Variants in BAK1 observed in about 807,000 individuals in gnomAD.
BAK1 encodes the protein bcl-2 homologous antagonist/killer.
Under a neutral mutation model 24.7 loss-of-function variants are expected in BAK1, and 19 were observed. That is an observed-to-expected ratio of 0.77 (90% CI 0.54 to 1.13). The LOEUF is 1.13. Among genes scored for constraint, BAK1 ranks in the 50% most tolerant of loss-of-function variants. The pLI is 0.00. For missense variants in BAK1, 194 were observed against 279.4 expected (o/e 0.69, Z 2.18); for synonymous variants, 86 against 107.3 (o/e 0.80, Z 1.23).
chr6:33,575,934 G>A lies in BAK1; in HGVS notation c.71-6C>T. 6.2e-7 allele frequency: 1 copy of A among 1,614,086 alleles called. No homozygotes were observed. The highest frequency in any genetic ancestry group is 1.6e-4 in the Middle Eastern group (1 of 6,062). ...GTCCTGGGCTACCTGCTCCTCTGAG[G>A]ATCAAAGCTGGGAGTCAGGGAGAGA... On this transcript the variant is annotated splice_region_variant and splice_polypyrimidine_tract_variant and intron_variant, in intron 2 of 5. Coordinates refer to ENST00000374467, the MANE Select transcript of BAK1 (RefSeq NM_001188.4). This position sits in a 1 kb window ranked among gnomAD's most constrained non-coding sequence, Gnocchi z 6.3.
At position 33,577,261 on chromosome 6, in the gene BAK1, C is replaced by T. The variant is rs1262025835; in HGVS notation, c.70+274G>A. On this transcript the variant is annotated intron_variant, in intron 2 of 5. Transcript: ENST00000374467. This position sits in a 1 kb window ranked among gnomAD's most constrained non-coding sequence, Gnocchi z 4.6. Reference sequence around the variant, plus strand: ...CACTCTAATTCCTGCCTCCCTCGCCCGTGACCCAGCCCTCTGCCCCGGTGG... The same window carrying T: ...CACTCTAATTCCTGCCTCCCTCGCCTGTGACCCAGCCCTCTGCCCCGGTGG... Among the ~76,000 whole-genome samples, 1 of 152,180 alleles carries T rather than the reference C, an allele frequency of 6.6e-6. No homozygotes were observed. The highest frequency in any genetic ancestry group is 1.5e-5 in the Non-Finnish European group (1 of 68,026).
rs1238754248 is a variant in BAK1 at position 33,577,448 on chromosome 6, G to A, written c.70+87C>T. 32 of 1,291,508 alleles carry A rather than the reference G, an allele frequency of 2.5e-5. No individual in the cohort carries two copies. Among genetic ancestry groups the A allele is most frequent in the East Asian group, 1.1e-4 (4 of 35,320 alleles). The allele number at this position is 1,291,508 out of a possible 1,614,324, so 80.0% of individuals were successfully genotyped here. On this transcript the variant is annotated intron_variant, in intron 2 of 5. Transcript: ENST00000374467. The surrounding 1 kb of genome is among the most constrained non-coding windows in gnomAD (Gnocchi z 4.6). Reference sequence around the variant, plus strand: ...CCACCCACAGTGGGTGAACCGAGGCGAAGGAGCCTGCCTGAGTCCTGCTCC... The same window carrying A: ...CCACCCACAGTGGGTGAACCGAGGCAAAGGAGCCTGCCTGAGTCCTGCTCC...
chr6:33,574,038 C>T lies in BAK1; in HGVS notation c.527G>A (p.Gly176Asp). The T allele has an allele frequency of 6.2e-7, 1 of 1,613,748 alleles. No individual in the cohort carries two copies. The highest frequency in any genetic ancestry group is 8.5e-7 in the Non-Finnish European group (1 of 1,179,700). The change falls in exon 5 of 6, where the codon GGC (glycine) becomes GAC (aspartate). Residue 176 changes from glycine to aspartate, a missense_variant. Transcript: ENST00000374467. Reference sequence around the variant, plus strand: ...TTGCAGTCCTTGGATACTCACCCAGCCACCCCTCTGTGCAATCCACCGGGC... The same window carrying T: ...TTGCAGTCCTTGGATACTCACCCAGTCACCCCTCTGTGCAATCCACCGGGC... ...CIARWIAQRGGWVAALNLGNG... is the reference protein window; with the variant it reads ...CIARWIAQRGDWVAALNLGNG...
In BAK1 at chr6:33,575,165, G is replaced by C; in HGVS notation, c.350+133C>G. 1 of 1,375,518 alleles carries C rather than the reference G, an allele frequency of 7.3e-7. No homozygotes were observed. The highest frequency in any genetic ancestry group is 1.2e-5 in the South Asian group (1 of 83,902). The allele number at this position is 1,375,518 out of a possible 1,614,324, so 85.2% of individuals were successfully genotyped here. A position where few individuals can be genotyped will look rare whatever the true frequency, so the allele number is the denominator to read the frequency against. ...AAAATAGGGGGCCGAGACCACATGT[G>C]AGTTCACAGCAGACATTGGACACTG... On this transcript the variant is annotated intron_variant, in intron 4 of 5. Coordinates refer to ENST00000374467, the MANE Select transcript of BAK1 (RefSeq NM_001188.4). This position sits in a 1 kb window ranked among gnomAD's most constrained non-coding sequence, Gnocchi z 6.3.
intron 2 of BAK1, among the ~76,000 whole-genome samples, chr6:33,576,458 G>A (rs1164166455): frequency 1.1e-4 from 17 of 151,606 alleles, no homozygotes; most frequent in Non-Finnish European, 1.0e-4. Flanking sequence ...GTGAAACCCC[G>A]TCTCTACTAA....
intron 1 of BAK1, among the ~76,000 whole-genome samples, chr6:33,579,724 G>A (rs1762905515): frequency 6.6e-6 from 1 of 152,200 alleles, no homozygotes; most frequent in South Asian, 2.1e-4. Context: ...GCAGCAGCAA[G>A]CGCTGAGAAA....
In BAK1 at chr6:33,575,687, G is replaced by T; in HGVS notation, c.206+106C>A. The stretch of plus-strand genomic sequence containing the variant: ...TAAAAGAGGAGCAACCATGAGAGAA[G>T]GGCAAGACCCCCGAGGCCTCCCCAG... On this transcript the variant is annotated intron_variant, in intron 3 of 5. Coordinates refer to ENST00000374467, the MANE Select transcript of BAK1 (RefSeq NM_001188.4). This position sits in a 1 kb window ranked among gnomAD's most constrained non-coding sequence, Gnocchi z 6.3. 2 of 1,502,334 alleles carry T rather than the reference G, an allele frequency of 1.3e-6. No individual in the cohort carries two copies. The highest frequency in any genetic ancestry group is 1.3e-5 in the South Asian group (1 of 78,514). 93.1% of individuals were successfully genotyped at this position (1,502,334 alleles called of 1,614,324 possible).
chr6:33,576,672 CAA>C (rs370237502), intron 2 of BAK1, among the ~76,000 whole-genome samples: 146 of 128,854 alleles, frequency 1.1e-3, no homozygotes, highest in African/African-American at 3.6e-3. Context: ...ACAAAAAAAA[CAA>C]AAAAAAAAAA....
At chr6:33,574,525 C>T in intron 4 of BAK1, 1 of 1,420,566 alleles carries the variant, frequency 7.0e-7, no homozygotes, top group Non-Finnish European at 9.3e-7. Context: ...TTGCTGCTGG[C>T]CTGGCAGCCC....
At position 33,578,521 on chromosome 6, in the gene BAK1, C is replaced by T. The variant is rs1762883774; in HGVS notation, c.-31-886G>A. Among the ~76,000 whole-genome samples, 2 of 152,170 alleles carry T rather than the reference C, an allele frequency of 1.3e-5. No individual in the cohort carries two copies. On this transcript the variant is annotated intron_variant, in intron 1 of 5. Coordinates refer to ENST00000374467, the MANE Select transcript of BAK1 (RefSeq NM_001188.4). The surrounding 1 kb of genome is among the most constrained non-coding windows in gnomAD (Gnocchi z 4.8). ...GTGTGTTCTTTCTCAGGGCAACTTT[C>T]CCTATTTACCTCCTGTCTGTGCCTT...
Position 33,573,923 on chromosome 6 carries a change from AGGT to A in BAK1, c.532-19_532-17del, listed in dbSNP as rs778415235. The A allele has an allele frequency of 6.2e-7, 1 of 1,614,158 alleles. No individual in the cohort carries two copies. Among genetic ancestry groups the A allele is most frequent in the Non-Finnish European group, 8.5e-7 (1 of 1,179,990 alleles). On this transcript the variant is annotated splice_polypyrimidine_tract_variant and intron_variant, in intron 5 of 5. Coordinates refer to ENST00000374467, the MANE Select transcript of BAK1 (RefSeq NM_001188.4). Reference sequence around the variant, plus strand: ...GGGCTGCCACCTGCCGGGAGAAACAAGGTGGTCACAGAGAGGCTAGCAGAAGAT... The same window carrying A: ...GGGCTGCCACCTGCCGGGAGAAACAAGGTCACAGAGAGGCTAGCAGAAGAT...
chr6:33,579,333 G>C (rs1344703565), intron 1 of BAK1, among the ~76,000 whole-genome samples: 1 of 152,072 alleles, frequency 6.6e-6, no homozygotes, highest in East Asian at 1.9e-4. Flanking sequence ...GCAACAGAGC[G>C]AGACTCCATT....
rs1267983904 is a variant in BAK1, at chr6:33,577,851, C to T, written c.-31-216G>A. On this transcript the variant is annotated intron_variant, in intron 1 of 5. Coordinates refer to ENST00000374467, the MANE Select transcript of BAK1 (RefSeq NM_001188.4). The surrounding 1 kb of genome is among the most constrained non-coding windows in gnomAD (Gnocchi z 4.6). ...TGCTGGGATTACAGGTGTGAGCCAC[C>T]GTGCCTGGCCTCCTCTGGGACTTTT... 6.6e-6 allele frequency among the ~76,000 whole-genome samples: 1 copy of T among 152,182 alleles called. No individual in the cohort carries two copies. Among genetic ancestry groups the T allele is most frequent in the East Asian group, 1.9e-4 (1 of 5,196 alleles).
In BAK1 at chr6:33,575,766, C is replaced by T; in HGVS notation, c.206+27G>A. 4 of 1,609,748 alleles carry T rather than the reference C, an allele frequency of 2.5e-6. No individual in the cohort carries two copies. The highest frequency in any genetic ancestry group is 3.4e-6 in the Non-Finnish European group (4 of 1,178,292). ...GAGCTACTGCCTCCCTGAAGATGTC[C>T]TTGTGGGCCCAGCGGTTGTAGCTCA... On this transcript the variant is annotated intron_variant, in intron 3 of 5. Transcript: ENST00000374467. The surrounding 1 kb of genome is among the most constrained non-coding windows in gnomAD (Gnocchi z 6.3).
At chr6:33,576,719 C>T (rs955807708) in intron 2 of BAK1, among the ~76,000 whole-genome samples, 5 of 152,130 alleles carry the variant, frequency 3.3e-5, no homozygotes, top group East Asian at 1.9e-4. Flanking sequence ...GCACCTTAGC[C>T]GCCCCTAGAG....
intron 2 of BAK1, among the ~76,000 whole-genome samples, chr6:33,576,626 C>T (rs1485683115): frequency 6.6e-6 from 1 of 150,594 alleles, no homozygotes; most frequent in Non-Finnish European, 1.5e-5. Context: ...GAGCGAGACT[C>T]CATCTCAAAA....
rs1347149522 is a variant in BAK1 at position 33,572,712 on chromosome 6, C to G, written c.*1091G>C. ...CAATAGAGAAGGCACTGTCACCCCC[C>G]ACCCTGAGGAGACCTAGACAGGTGA... is the stretch of plus-strand genomic sequence containing the variant. On this transcript the variant is annotated 3_prime_UTR_variant, in exon 6 of 6. Coordinates refer to ENST00000374467, the MANE Select transcript of BAK1 (RefSeq NM_001188.4). The G allele has an allele frequency of 1.3e-5, 2 of 152,544 alleles. No homozygotes were observed. The highest frequency in any genetic ancestry group is 2.9e-5 in the Non-Finnish European group (2 of 68,008). 9.4% of individuals were successfully genotyped at this position (152,544 alleles called of 1,614,324 possible).
At chr6:33,573,944 C>T (rs753158141) in intron 5 of BAK1, 37 bp from the exon 6 acceptor site, 19 of 1,613,948 alleles carry the variant, frequency 1.2e-5, no homozygotes, top group Middle Eastern at 1.7e-4. Context: ...GAGAGGCTAG[C>T]AGAAGATATA....
At position 33,573,776 on chromosome 6, in the gene BAK1, C is replaced by T. The variant is rs7341238; in HGVS notation, c.*27G>A. On this transcript the variant is annotated 3_prime_UTR_variant, in exon 6 of 6. Transcript: ENST00000374467. ...CTTAAGTCCAGGCAGGGGTCTGAAC[C>T]GGGACCCCAAAGGGCACCCTTGGGA... 1.0e-5 allele frequency: 16 copies of T among 1,598,900 alleles called. No homozygotes were observed. Among genetic ancestry groups the T allele is most frequent in the African/African-American group, 2.7e-5 (2 of 74,672 alleles).
Sources: allele counts gnomAD v4.1 joint callset (sites outside exome capture counted in the v4.1 genomes callset), GRCh38; gene constraint gnomAD v4.1.1; non-coding constraint Gnocchi (gnomAD v3.1); transcripts MANE v1.5; gene names NCBI Gene and HGNC (gene_info 2026-07-23, HGNC 2026-07-21).